GALNT14: variants seen among roughly 807,000 people sequenced by gnomAD.
The protein encoded by GALNT14 is UDP-GalNAc:polypeptide N-acetylgalactosaminyltransferase 14.
GALNT14 carries 60 observed loss-of-function variants against 77.5 expected under a neutral mutation model. The observed-to-expected ratio is 0.77, with a 90% CI of 0.63 to 0.96. GALNT14 has a LOEUF of 0.96. Ranked by LOEUF, GALNT14 falls within the 40% of genes least tolerant of loss-of-function variation. The pLI is 0.00. For missense variants in GALNT14, 710 were observed against 731.0 expected (o/e 0.97, Z 0.33); for synonymous variants, 280 against 281.7 (o/e 0.99, Z 0.06).
chr2:31,009,559 C>T (rs1670890447), intron 1 of GALNT14, among the ~76,000 whole-genome samples: 1 of 152,120 alleles, frequency 6.6e-6, no homozygotes, highest in Non-Finnish European at 1.5e-5. Context: ...GTTTTCCAGC[C>T]CAGATCTCTT....
chr2:31,029,506 C>A (rs1035846815), intron 1 of GALNT14, among the ~76,000 whole-genome samples: 4 of 152,180 alleles, frequency 2.6e-5, no homozygotes, highest in Non-Finnish European at 4.4e-5. Flanking sequence ...TATTTCTCAG[C>A]CTGCCCTGTA....
chr2:31,023,394 A>C (rs959333012), intron 1 of GALNT14, among the ~76,000 whole-genome samples: 1 of 151,972 alleles, frequency 6.6e-6, no homozygotes, highest in Non-Finnish European at 1.5e-5. Flanking sequence ...CTTTCCTTAC[A>C]TTGTCAAAGC....
At chr2:30,914,346 G>A (rs545889380) in intron 13 of GALNT14, among the ~76,000 whole-genome samples, 13 of 152,234 alleles carry the variant, frequency 8.5e-5, no homozygotes, top group East Asian at 3.9e-4. Flanking sequence ...ACCTTAATCC[G>A]GGGAGAAGAC....
At chr2:31,130,765 T>TGTGTGTGTGTGC (rs1678939785) in intron 1 of GALNT14, among the ~76,000 whole-genome samples, 1 of 141,920 alleles carries the variant, frequency 7.0e-6, no homozygotes, top group Admixed American at 6.8e-5. Flanking sequence ...TGTGTGTGTG[T>TGTGTGTGTGTGC]GTGTGTGTGT....
At chr2:31,084,016 T>C (rs1676288080) in intron 1 of GALNT14, among the ~76,000 whole-genome samples, 1 of 152,158 alleles carries the variant, frequency 6.6e-6, no homozygotes, top group African/African-American at 2.4e-5. Context: ...AGGTTGCTTG[T>C]ATATAGCCCA....
At chr2:31,121,944 A>G (rs1441304627) in intron 1 of GALNT14, among the ~76,000 whole-genome samples, 1 of 152,200 alleles carries the variant, frequency 6.6e-6, no homozygotes, top group Non-Finnish European at 1.5e-5. Flanking sequence ...CTAAGCCTAA[A>G]GCAGAGATAC....
chr2:30,940,000 CAAAA>C (rs72540472), intron 9 of GALNT14, among the ~76,000 whole-genome samples: 10 of 126,308 alleles, frequency 7.9e-5, no homozygotes, highest in Admixed American at 8.3e-5. Context: ...TATAAAATGC[CAAAA>C]AAAAAAAAAA....
At chr2:30,911,426 C>T (rs1057404735) in intron 14 of GALNT14, among the ~76,000 whole-genome samples, 5 of 152,060 alleles carry the variant, frequency 3.3e-5, no homozygotes, top group African/African-American at 7.2e-5. Flanking sequence ...CTGGGAGCAG[C>T]GAGTGTGATG....
the GALNT14 span, among the ~76,000 whole-genome samples, chr2:30,888,159 T>A: frequency 6.6e-6 from 1 of 152,190 alleles, no homozygotes; most frequent in Non-Finnish European, 1.5e-5. Flanking sequence ...TTCCTTCCAT[T>A]CCAGCCCCAT....
chr2:30,936,344 C>T (rs758294023), intron 9 of GALNT14, among the ~76,000 whole-genome samples: 6 of 152,068 alleles, frequency 3.9e-5, no homozygotes, highest in African/African-American at 1.2e-4. Context: ...AAGCAAACCA[C>T]GACTATTCAT....
chr2:30,924,581 C>T (rs184962763), intron 12 of GALNT14, among the ~76,000 whole-genome samples, 159 bp downstream of exon 12: 321 of 152,294 alleles, frequency 2.1e-3, no homozygotes, highest in African/African-American at 6.3e-3. Flanking sequence ...TAAGGTCCCT[C>T]CGGGTTTTAG....
Position 30,932,070 on chromosome 2 carries a change from T to C in GALNT14, c.1056A>G (p.Ile352Met). Residue 352 changes from isoleucine (I) to methionine (M), a missense_variant and splice_region_variant, in exon 10 of 15, where the codon ATA becomes ATG. Transcript: ENST00000349752. ...GCGCTGAGCCCCTGGGCACTTACTT[T>C]ATATACGTGTTGGCATTTCCATCAG... ...VFPDGNANTYIKNTKRTAEVW... is the reference protein window; with the variant it reads ...VFPDGNANTYMKNTKRTAEVW... The C allele has an allele frequency of 6.5e-7, 1 of 1,547,514 alleles. No individual in the cohort carries two copies. The highest frequency in any genetic ancestry group is 1.2e-5 in the South Asian group (1 of 80,986).
intron 13 of GALNT14, among the ~76,000 whole-genome samples, chr2:30,918,853 C>G (rs1431472911): frequency 1.4e-5 from 2 of 142,756 alleles, no homozygotes; most frequent in Admixed American, 1.4e-4. Context: ...AAGGTGGCAT[C>G]AGGCGGGGAA....
intron 1 of GALNT14, among the ~76,000 whole-genome samples, chr2:31,087,474 G>C (rs1048198184): frequency 2.0e-5 from 3 of 152,010 alleles, no homozygotes; most frequent in African/African-American, 7.3e-5. Context: ...GGAGGAGACA[G>C]GAAAGGAGAG....
At chr2:30,938,081 C>T (rs941122678) in intron 9 of GALNT14, among the ~76,000 whole-genome samples, 1 of 150,588 alleles carries the variant, frequency 6.6e-6, no homozygotes. Flanking sequence ...GAGAGCCGAG[C>T]CTGGCATAGC....
At chr2:31,052,777 T>C (rs1673961033) in intron 1 of GALNT14, among the ~76,000 whole-genome samples, 1 of 152,204 alleles carries the variant, frequency 6.6e-6, no homozygotes, top group East Asian at 1.9e-4. Flanking sequence ...CAAACAAAAA[T>C]ACAGGACACC....
At chr2:31,079,366 A>G (rs1415729195) in intron 1 of GALNT14, among the ~76,000 whole-genome samples, 2 of 152,166 alleles carry the variant, frequency 1.3e-5, no homozygotes, top group Non-Finnish European at 2.9e-5. Flanking sequence ...GTTCTGAGCT[A>G]AGAAATCTGG....
chr2:31,041,119 A>T (rs572152925), intron 1 of GALNT14, among the ~76,000 whole-genome samples: 2 of 152,326 alleles, frequency 1.3e-5, no homozygotes, highest in South Asian at 4.2e-4. Context: ...ATAATAAAAC[A>T]TCAATAAGAA....
In GALNT14 at chr2:31,130,779, T is replaced by TGC. The variant is rs1201704713; in HGVS notation, c.129+7178_129+7179insGC. ...GTGTGTGTGTGTGTGTGTGTGTGTG[T>TGC]GTGTGCGCGCGCACCTGTGTGTGTG... On this transcript the variant is annotated intron_variant, in intron 1 of 14. Coordinates refer to ENST00000349752, the MANE Select transcript of GALNT14 (RefSeq NM_024572.4). 3.2e-3 allele frequency among the ~76,000 whole-genome samples: 411 copies of TGC among 130,096 alleles called. 8 individuals are homozygous for TGC. The highest frequency in any genetic ancestry group is 0.014 in the African/African-American group (391 of 28,540). The allele number at this position is 130,096 out of a possible 152,430, so 85.3% of individuals were successfully genotyped here.
Sources: gnomAD v4.1 joint callset for allele counts (sites outside exome capture counted in the v4.1 genomes callset) on GRCh38, gnomAD v4.1.1 for gene constraint, MANE v1.5 for transcripts, NCBI Gene and HGNC (gene_info 2026-07-23, HGNC 2026-07-21) for gene names.